ATP2B1: variants seen among roughly 807,000 people sequenced by gnomAD.
ATP2B1 encodes plasma membrane calcium-transporting ATPase 1.
Under a neutral mutation model 124.2 loss-of-function variants are expected in ATP2B1, and 14 were observed. That is an observed-to-expected ratio of 0.11 (90% CI 0.07 to 0.18). The LOEUF (loss-of-function observed/expected upper bound fraction) is 0.18. Among genes scored for constraint, ATP2B1 ranks in the 10% least tolerant of loss-of-function variants. ATP2B1 has a pLI of 1.00. For missense variants in ATP2B1, 763 were observed against 1,466.1 expected, an observed-to-expected ratio of 0.52 and a Z score of 7.83; for synonymous variants, 449 against 492.4, an observed-to-expected ratio of 0.91 and a Z score of 1.17.
chr12:89,675,317 A>G (rs1041200434), intron 1 of ATP2B1, among the ~76,000 whole-genome samples: 1 of 152,186 alleles, frequency 6.6e-6, no homozygotes, highest in African/African-American at 2.4e-5. Context: ...TAATGCGTAA[A>G]TTTAACAGTA....
chr12:89,598,575 G>C (rs918756481), intron 20 of ATP2B1: 2 of 1,608,762 alleles, frequency 1.2e-6, no homozygotes, highest in African/African-American at 2.7e-5. Flanking sequence ...CATGCACTTA[G>C]GAACACACAC....
chr12:89,625,880 T>C (rs1880798185), intron 8 of ATP2B1, among the ~76,000 whole-genome samples: 1 of 152,204 alleles, frequency 6.6e-6, no homozygotes, highest in Non-Finnish European at 1.5e-5. Context: ...TAATAATATA[T>C]GCTTATTTAT....
intron 1 of ATP2B1, among the ~76,000 whole-genome samples, chr12:89,665,350 ATTACT>A (rs1887183705): frequency 6.6e-6 from 1 of 152,204 alleles, no homozygotes. Flanking sequence ...CATATGTTAA[ATTACT>A]TTAAACACCT....
chr12:89,670,197 A>G (rs1887770365), intron 1 of ATP2B1, among the ~76,000 whole-genome samples: 1 of 152,194 alleles, frequency 6.6e-6, no homozygotes, highest in Admixed American at 6.5e-5. Context: ...ACATACTGTA[A>G]ATGGACAAGA....
chr12:89,638,466 T>C (rs560670859), intron 3 of ATP2B1, among the ~76,000 whole-genome samples: 1 of 152,360 alleles, frequency 6.6e-6, no homozygotes, highest in Admixed American at 6.5e-5. Context: ...GTCTCATATT[T>C]CATTAATGTG....
intron 9 of ATP2B1, 96 bp from the exon 10 acceptor site, chr12:89,621,887 A>G: frequency 8.1e-7 from 1 of 1,236,446 alleles, no homozygotes; most frequent in Non-Finnish European, 1.1e-6. Flanking sequence ...AAATTAGAAA[A>G]CTCCCAGCTT....
intron 1 of ATP2B1, among the ~76,000 whole-genome samples, chr12:89,699,945 A>G (rs1891632753): frequency 6.6e-6 from 1 of 151,840 alleles, no homozygotes; most frequent in Non-Finnish European, 1.5e-5. Flanking sequence ...CCTAGAATCA[A>G]GCGATCCTCC....
chr12:89,703,756 T>A (rs1268538105), intron 1 of ATP2B1, among the ~76,000 whole-genome samples: 1 of 152,158 alleles, frequency 6.6e-6, no homozygotes, highest in African/African-American at 2.4e-5. Context: ...ATTTTCAATT[T>A]ATCAGTTCTA....
At chr12:89,702,331 G>T (rs1395374037) in intron 1 of ATP2B1, among the ~76,000 whole-genome samples, 2 of 151,540 alleles carry the variant, frequency 1.3e-5, no homozygotes. Flanking sequence ...TTGATAAAGA[G>T]AAAAATAAAA....
intron 3 of ATP2B1, among the ~76,000 whole-genome samples, chr12:89,639,205 G>T (rs868597237): frequency 2.0e-5 from 3 of 152,084 alleles, no homozygotes; most frequent in African/African-American, 7.2e-5. Context: ...TACTAATAAT[G>T]ATTTTAAAAA....
At chr12:89,693,599 T>A (rs1344351093) in intron 1 of ATP2B1, among the ~76,000 whole-genome samples, 1 of 38,368 alleles carries the variant, frequency 2.6e-5, no homozygotes, top group African/African-American at 6.6e-5. Context: ...TCTTATTTTT[T>A]ACTTTAAAAA....
chr12:89,590,902 T>C lies in ATP2B1; in HGVS notation c.*82A>G, dbSNP rs2135832144. ...GAAGTCCAAAGACAAGAATACTAGCTTGTCCATCACAATATGTGAAAAGAC... is the reference window on the plus strand; with the variant it reads ...GAAGTCCAAAGACAAGAATACTAGCCTGTCCATCACAATATGTGAAAAGAC... On this transcript the variant is annotated 3_prime_UTR_variant, in exon 21 of 21. Transcript: ENST00000428670. 15 of 1,312,578 alleles carry C rather than the reference T, an allele frequency of 1.1e-5. No individual in the cohort carries two copies. Among genetic ancestry groups the C allele is most frequent in the Non-Finnish European group, 1.6e-5 (15 of 937,070 alleles). The allele number at this position is 1,312,578 out of a possible 1,614,324, so 81.3% of individuals were successfully genotyped here. A position where few individuals can be genotyped will look rare whatever the true frequency, so the allele number is the denominator to read the frequency against.
intron 1 of ATP2B1, among the ~76,000 whole-genome samples, chr12:89,673,625 C>T (rs1309698453): frequency 1.3e-5 from 2 of 152,176 alleles, no homozygotes; most frequent in Non-Finnish European, 2.9e-5. Flanking sequence ...CGACATCTTG[C>T]ATACTATCTC....
chr12:89,595,255 G>A (rs1412431620), intron 20 of ATP2B1, among the ~76,000 whole-genome samples: 1 of 151,898 alleles, frequency 6.6e-6, no homozygotes, highest in Non-Finnish European at 1.5e-5. Flanking sequence ...ATAGACAACA[G>A]GCTAGATTTG....
At chr12:89,665,758 A>T (rs2136462969) in intron 1 of ATP2B1, among the ~76,000 whole-genome samples, 1 of 152,344 alleles carries the variant, frequency 6.6e-6, no homozygotes, top group Admixed American at 6.5e-5. Flanking sequence ...ATGTCACACC[A>T]GCTGCTCTGT....
chr12:89,700,978 C>T (rs1472575611), intron 1 of ATP2B1, among the ~76,000 whole-genome samples: 1 of 152,152 alleles, frequency 6.6e-6, no homozygotes, highest in African/African-American at 2.4e-5. Flanking sequence ...CTATATAAAT[C>T]TTTAGTTACT....
intron 5 of ATP2B1, among the ~76,000 whole-genome samples, chr12:89,632,542 C>T (rs1882034044): frequency 6.6e-6 from 1 of 152,130 alleles, no homozygotes; most frequent in Non-Finnish European, 1.5e-5. Context: ...TTCTATTTTG[C>T]CTTACCACAG....
At chr12:89,706,632 T>C (rs548518538) in intron 1 of ATP2B1, among the ~76,000 whole-genome samples, 1 of 152,094 alleles carries the variant, frequency 6.6e-6, no homozygotes, top group East Asian at 1.9e-4. Context: ...AAAAGAGAAA[T>C]GAGAGAATAC....
At chr12:89,696,988 T>G (rs1891208002) in intron 1 of ATP2B1, among the ~76,000 whole-genome samples, 2 of 151,898 alleles carry the variant, frequency 1.3e-5, no homozygotes, top group African/African-American at 4.8e-5. Flanking sequence ...AACATTAGTT[T>G]TGTTTTTTTT....
Sources: gnomAD v4.1 joint callset for allele counts (sites outside exome capture counted in the v4.1 genomes callset) on GRCh38, gnomAD v4.1.1 for gene constraint, MANE v1.5 for transcripts, NCBI Gene and HGNC (gene_info 2026-07-23, HGNC 2026-07-21) for gene names.